SYNE1: variants seen among roughly 807,000 people sequenced by gnomAD.
SYNE1 encodes the protein nesprin-1.
A neutral mutation model predicts 1,111.0 loss-of-function variants in SYNE1; 616 were observed. The observed-to-expected ratio is 0.55, with a 90% CI of 0.52 to 0.59. The LOEUF (loss-of-function observed/expected upper bound fraction) is 0.59, where lower values mean the gene tolerates loss of function less well. Among genes scored for constraint, SYNE1 ranks in the 20% least tolerant of loss-of-function variants. The pLI, the probability that SYNE1 is intolerant of heterozygous loss-of-function variation, is 0.00. For missense variants in SYNE1, 10,006 were observed against 10,417.0 expected (o/e 0.96, Z 1.72); for synonymous variants, 3,855 against 3,825.8 (o/e 1.01, Z -0.28).
rs144963785 is a variant in SYNE1 at position 152,330,667 on chromosome 6, C to T, written c.14018G>A (p.Arg4673Gln). ...FYKVQEAILARKEYASLIELT... is the reference protein window; with the variant it reads ...FYKVQEAILAQKEYASLIELT... The stretch of plus-strand genomic sequence containing the variant: ...CTCAATCAAGGAAGCATATTCCTTC[C>T]GAGCAAGAATTGCTTCCTGGACTTT... The change falls in exon 78 of 146, where the codon CGG becomes CAG. Residue 4673 changes from arginine to glutamine, a missense_variant. By Grantham distance (43) the Arg-to-Gln change is conservative. Coordinates refer to ENST00000367255, the MANE Select transcript of SYNE1 (RefSeq NM_182961.4). 228 of 1,613,848 alleles carry T rather than the reference C, an allele frequency of 1.4e-4. No individual in the cohort carries two copies. The highest frequency in any genetic ancestry group is 6.6e-4 in the Middle Eastern group (4 of 6,062).
intron 129 of SYNE1, among the ~76,000 whole-genome samples, chr6:152,178,331 G>A (rs1052718963): frequency 3.3e-5 from 5 of 152,036 alleles, no homozygotes; most frequent in East Asian, 1.9e-4. Context: ...CATGAATCAC[G>A]CACTGACAGC....
At chr6:152,365,167 G>C in intron 62 of SYNE1, 148 bp from the exon 63 acceptor site, 3 of 989,944 alleles carry the variant, frequency 3.0e-6, no homozygotes, top group Non-Finnish European at 4.5e-6. Flanking sequence ...GGGTGGGGAA[G>C]TGGCTTGCTG....
At chr6:152,483,570 G>A (rs1208476560) in intron 13 of SYNE1, among the ~76,000 whole-genome samples, 1 of 152,174 alleles carries the variant, frequency 6.6e-6, no homozygotes, top group Non-Finnish European at 1.5e-5. Context: ...TTTGCTGAAA[G>A]GGAAGGGATC....
At chr6:152,165,605 C>A (rs1014819814) in intron 130 of SYNE1, among the ~76,000 whole-genome samples, 13 of 152,114 alleles carry the variant, frequency 8.5e-5, no homozygotes, top group African/African-American at 3.1e-4. Context: ...ACAATATATT[C>A]TTTTGGTAGA....
In SYNE1 at chr6:152,449,504, C is replaced by T. The variant is rs776015587; in HGVS notation, c.3504+29G>A. The stretch of plus-strand genomic sequence containing the variant: ...TTATTCTTCCACTATGAGAAATTTT[C>T]CTCTAGCAAATAATGACCCTGAACT... On this transcript the variant is annotated intron_variant, in intron 28 of 145. Transcript: ENST00000367255. The T allele has an allele frequency of 1.2e-5, 18 of 1,520,016 alleles. No individual in the cohort carries two copies. The African/African-American group carries it at 2.1e-4, about 17-fold the overall frequency. The allele number at this position is 1,520,016 out of a possible 1,614,324, so 94.2% of individuals were successfully genotyped here. A position where few individuals can be genotyped will look rare whatever the true frequency, so the allele number is the denominator to read the frequency against.
intron 32 of SYNE1, among the ~76,000 whole-genome samples, chr6:152,440,586 T>G (rs1197560421): frequency 1.8e-4 from 27 of 149,992 alleles, no homozygotes; most frequent in African/African-American, 6.7e-4. Flanking sequence ...TTTTTTTTTT[T>G]GAGATGGAGT....
chr6:152,319,120 C>A, intron 84 of SYNE1, 105 bp from the exon 85 acceptor site: 2 of 1,475,368 alleles, frequency 1.4e-6, no homozygotes, highest in Admixed American at 3.9e-5. Context: ...ACTGCTTTGG[C>A]ATTGAAACAC....
intron 128 of SYNE1, among the ~76,000 whole-genome samples, chr6:152,184,106 T>A (rs1392835696): frequency 6.6e-6 from 1 of 152,194 alleles, no homozygotes; most frequent in African/African-American, 2.4e-5. Context: ...CCTATCAATA[T>A]GGTAATATTA....
intron 126 of SYNE1, among the ~76,000 whole-genome samples, chr6:152,203,090 T>C (rs1231246773): frequency 6.6e-6 from 1 of 152,186 alleles, no homozygotes; most frequent in Non-Finnish European, 1.5e-5. Context: ...TATTGTGTGG[T>C]TATGTTTTGA....
chr6:152,302,660 CA>C (rs568318630), intron 91 of SYNE1, among the ~76,000 whole-genome samples: 229 of 152,214 alleles, frequency 1.5e-3, no homozygotes, highest in African/African-American at 4.9e-3. Flanking sequence ...ATTGACCCCC[CA>C]AAAAAATTTT....
chr6:152,355,008 A>G (rs372821227), intron 66 of SYNE1, 32 bp from the exon 67 acceptor site: 162 of 1,610,146 alleles, frequency 1.0e-4, no homozygotes, highest in Admixed American at 4.7e-4. Flanking sequence ...TGTCACTCTC[A>G]ATCATATTTC....
At chr6:152,138,954 A>C (rs1177568147) in intron 140 of SYNE1, among the ~76,000 whole-genome samples, 1 of 152,198 alleles carries the variant, frequency 6.6e-6, no homozygotes, top group Non-Finnish European at 1.5e-5. Flanking sequence ...AGTTTTATTT[A>C]TTACAGCAAA....
At chr6:152,471,481 C>T (rs961470626) in intron 16 of SYNE1, 116 bp downstream of exon 16, 1 of 991,622 alleles carries the variant, frequency 1.0e-6, no homozygotes, top group Non-Finnish European at 1.6e-6. Context: ...ACCCATTTAA[C>T]ACACGCTATC....
Position 152,281,632 on chromosome 6 carries a change from T to C in SYNE1, c.18381+175A>G, listed in dbSNP as rs1236321721. Among the ~76,000 whole-genome samples the C allele has an allele frequency of 1.8e-4, 27 of 152,188 alleles. 1 individual carries two copies. The highest frequency in any genetic ancestry group is 1.8e-3 in the Admixed American group (27 of 15,278). On this transcript the variant is annotated intron_variant, in intron 97 of 145. Coordinates refer to ENST00000367255, the MANE Select transcript of SYNE1 (RefSeq NM_182961.4). ...ATGTTTTTCAAAAAGTGAGTCCAAG[T>C]TTGGATTTCATTTAAGCTTTTATAA... is the stretch of plus-strand genomic sequence containing the variant.
chr6:152,401,948 T>C (rs1453755619), intron 46 of SYNE1, among the ~76,000 whole-genome samples: 2 of 152,210 alleles, frequency 1.3e-5, no homozygotes, highest in Non-Finnish European at 2.9e-5. Flanking sequence ...TATTTGGTAA[T>C]GAAAACTTTG....
chr6:152,513,738 A>T (rs1214780500), intron 6 of SYNE1, among the ~76,000 whole-genome samples: 9 of 151,998 alleles, frequency 5.9e-5, no homozygotes, highest in Middle Eastern at 3.4e-3. Flanking sequence ...CATCTGACAG[A>T]GGGCTAATAT....
Position 152,149,518 on chromosome 6 carries a change from C to T in SYNE1, c.24601G>A (p.Gly8201Arg), listed in dbSNP as rs886042886. 1.2e-5 allele frequency: 19 copies of T among 1,614,046 alleles called. 1 individual carries two copies. Among genetic ancestry groups the T allele is most frequent in the Admixed American group, 8.3e-5 (5 of 59,996 alleles). The change falls in exon 136 of 146, where the codon GGG becomes AGG. Residue 8201 changes from glycine (G) to arginine (R), a missense_variant. Physicochemically the swap from Gly to Arg is moderately radical, Grantham distance 125. Coordinates refer to ENST00000367255, the MANE Select transcript of SYNE1 (RefSeq NM_182961.4). ...TTCTTATGGTATCTTTCCACACGCCCGAAGACCTCCTGGCAGTACCGTCGG... is the reference window on the plus strand; with the variant it reads ...TTCTTATGGTATCTTTCCACACGCCTGAAGACCTCCTGGCAGTACCGTCGG... ...ELRRYCQEVF[G>R]RVERYHKKLI...
At chr6:152,318,009 T>C in intron 86 of SYNE1, 72 bp downstream of exon 86, 3 of 1,578,148 alleles carry the variant, frequency 1.9e-6, no homozygotes, top group Non-Finnish European at 2.6e-6. Flanking sequence ...GTTAATTTAT[T>C]TTCAAAAGAG....
At chr6:152,184,993 G>A (rs2069396203) in intron 128 of SYNE1, among the ~76,000 whole-genome samples, 1 of 152,140 alleles carries the variant, frequency 6.6e-6, no homozygotes, top group African/African-American at 2.4e-5. Flanking sequence ...CAACAGCTGA[G>A]AAGCACCAGC....
Sources: allele counts gnomAD v4.1 joint callset (sites outside exome capture counted in the v4.1 genomes callset), GRCh38; gene constraint gnomAD v4.1.1; transcripts MANE v1.5; gene names NCBI Gene and HGNC (gene_info 2026-07-23, HGNC 2026-07-21).